The following ARRB1 variants were observed in gnomAD, a reference collection of about 807,000 sequenced individuals.
The protein encoded by ARRB1 is beta-arrestin-1.
Under a neutral mutation model 56.8 loss-of-function variants are expected in ARRB1, and 21 were observed. That is an observed-to-expected ratio of 0.37 (90% confidence interval 0.26 to 0.53). ARRB1 has a LOEUF of 0.53. ARRB1 is among the 20% of genes least tolerant of loss of function. ARRB1 has a pLI of 0.88. For missense variants in ARRB1, 424 were observed against 553.7 expected, an observed-to-expected ratio of 0.77 and a Z score of 2.35; for synonymous variants, 210 against 218.6, an observed-to-expected ratio of 0.96 and a Z score of 0.35.
intron 4 of ARRB1, 64 bp downstream of exon 4, chr11:75,284,171 G>T: frequency 6.6e-7 from 1 of 1,516,498 alleles, no homozygotes; most frequent in Non-Finnish European, 9.0e-7. Context: ...GAGTTCCTAT[G>T]CTAGAGGTCC....
rs1227087508 is a variant in ARRB1, at chr11:75,265,868, C to T, written c.*295G>A. 4.7e-6 allele frequency: 2 copies of T among 429,452 alleles called. No individual in the cohort carries two copies. The highest frequency in any genetic ancestry group is 7.3e-5 in the Admixed American group (2 of 27,584). 26.6% of individuals were successfully genotyped at this position (429,452 alleles called of 1,614,324 possible). Reference sequence around the variant, plus strand: ...ATCCTCCCCTGTCTGCTCCCCATCTCAAGTCCAATTCCAAGGCCAGAGCCC... The same window carrying T: ...ATCCTCCCCTGTCTGCTCCCCATCTTAAGTCCAATTCCAAGGCCAGAGCCC... On this transcript the variant is annotated 3_prime_UTR_variant, in exon 16 of 16. Coordinates refer to ENST00000420843, the MANE Select transcript of ARRB1 (RefSeq NM_004041.5).
At position 75,271,764 on chromosome 11, in the gene ARRB1, G is replaced by A. The variant is rs371736924; in HGVS notation, c.999-40C>T. 14 of 1,551,008 alleles carry A rather than the reference G, an allele frequency of 9.0e-6. No individual in the cohort carries two copies. In the African/African-American group the frequency reaches 1.1e-4, roughly 12 times the overall value. ...GGAGGCAGGAGAAGTGGTCAGGAGAGAGTTCAGAGAGGAAGAAAACAAAAA... is the reference window on the plus strand; with the variant it reads ...GGAGGCAGGAGAAGTGGTCAGGAGAAAGTTCAGAGAGGAAGAAAACAAAAA... On this transcript the variant is annotated intron_variant, in intron 12 of 15. Coordinates refer to ENST00000420843, the MANE Select transcript of ARRB1 (RefSeq NM_004041.5).
chr11:75,263,604 C>T lies in ARRB1; in HGVS notation c.*2559G>A, dbSNP rs1826342243. ...CCTACAACGTTTCCCTGACCATGGG[C>T]TTCCTGAGGACAGGGGCTGGGACTG... On this transcript the variant is annotated 3_prime_UTR_variant, in exon 16 of 16. Transcript: ENST00000420843. Among the ~76,000 whole-genome samples, 1 of 152,234 alleles carries T rather than the reference C, an allele frequency of 6.6e-6. No individual in the cohort carries two copies. Among genetic ancestry groups the T allele is most frequent in the African/African-American group, 2.4e-5 (1 of 41,464 alleles).
intron 14 of ARRB1, among the ~76,000 whole-genome samples, chr11:75,268,397 C>T (rs1192703915): frequency 4.7e-5 from 7 of 149,566 alleles, no homozygotes; most frequent in South Asian, 2.1e-4. Flanking sequence ...CTCAGCTACT[C>T]GGGAGGCTGA....
intron 4 of ARRB1, 100 bp from the exon 5 acceptor site, chr11:75,283,583 C>T: frequency 8.5e-7 from 1 of 1,172,986 alleles, no homozygotes; most frequent in Non-Finnish European, 1.2e-6. Flanking sequence ...ACTGGAGGCC[C>T]CAAGCCTGTC....
chr11:75,279,367 A>G (rs534912640), intron 7 of ARRB1, among the ~76,000 whole-genome samples: 5 of 152,206 alleles, frequency 3.3e-5, no homozygotes, highest in Non-Finnish European at 7.4e-5. Context: ...CAGGGAGGGG[A>G]GAAGGCCCAT....
rs1946319179 is a variant in ARRB1, at chr11:75,280,919, C to T, written c.482+156G>A. 46 of 843,890 alleles carry T rather than the reference C, an allele frequency of 5.5e-5. No homozygotes were observed. The South Asian group carries it at 6.1e-4, about 11-fold the overall frequency. The allele number at this position is 843,890 out of a possible 1,614,324, so 52.3% of individuals were successfully genotyped here. On this transcript the variant is annotated intron_variant, in intron 7 of 15. Coordinates refer to ENST00000420843, the MANE Select transcript of ARRB1 (RefSeq NM_004041.5). ...AAGCCACCTCCCCAAGGAAGCCCTC[C>T]GTGACCTCCCAGCTTCCAGAGTGCC...
At chr11:75,323,774 A>G (rs1947384618) in intron 1 of ARRB1, among the ~76,000 whole-genome samples, 1 of 152,202 alleles carries the variant, frequency 6.6e-6, no homozygotes, top group African/African-American at 2.4e-5. Context: ...TGAGCCACCC[A>G]GGGTCCAGGC....
At chr11:75,276,693 A>T (rs1946206996) in intron 10 of ARRB1, 146 bp downstream of exon 10, 1 of 661,854 alleles carries the variant, frequency 1.5e-6, no homozygotes, top group Admixed American at 2.8e-5. Flanking sequence ...GCTCTTCGGG[A>T]TCATCTACTC....
intron 14 of ARRB1, 134 bp from the exon 15 acceptor site, chr11:75,267,837 G>A: frequency 1.4e-6 from 1 of 737,028 alleles, no homozygotes; most frequent in South Asian, 1.6e-5. Flanking sequence ...GAATGGAGAT[G>A]GGGGAGGACT....
intron 1 of ARRB1, among the ~76,000 whole-genome samples, chr11:75,345,079 C>T (rs537592388): frequency 3.9e-4 from 60 of 152,310 alleles, no homozygotes; most frequent in Middle Eastern, 3.4e-3. Context: ...CAACTGTGGC[C>T]TCAGCCAGGT....
chr11:75,288,708 C>T (rs1260398435), intron 2 of ARRB1, among the ~76,000 whole-genome samples: 6 of 151,754 alleles, frequency 4.0e-5, no homozygotes, highest in Admixed American at 2.0e-4. Context: ...CTCTACCTCC[C>T]GGGTTAAAGT....
At chr11:75,280,623 G>C (rs536628958) in intron 7 of ARRB1, among the ~76,000 whole-genome samples, 3 of 152,198 alleles carry the variant, frequency 2.0e-5, no homozygotes, top group Non-Finnish European at 4.4e-5. Context: ...CCCTGGATGG[G>C]TTCACTATCT....
At chr11:75,292,429 C>T (rs529445721) in intron 1 of ARRB1, among the ~76,000 whole-genome samples, 2 of 152,328 alleles carry the variant, frequency 1.3e-5, no homozygotes, top group South Asian at 4.1e-4. Flanking sequence ...GCGTGAGCCA[C>T]CGCGTCCAGC....
At chr11:75,327,748 C>T (rs1947464938) in intron 1 of ARRB1, among the ~76,000 whole-genome samples, 1 of 152,002 alleles carries the variant, frequency 6.6e-6, no homozygotes, top group South Asian at 2.1e-4. Context: ...ACCACCACAC[C>T]ATACTAATTG....
chr11:75,278,751 G>C lies in ARRB1; in HGVS notation c.483-7C>G. 1 of 1,601,678 alleles carries C rather than the reference G, an allele frequency of 6.2e-7. No individual in the cohort carries two copies. On this transcript the variant is annotated splice_polypyrimidine_tract_variant and splice_region_variant and intron_variant, in intron 7 of 15. Coordinates refer to ENST00000420843, the MANE Select transcript of ARRB1 (RefSeq NM_004041.5). ...GACCAGACGCACAGAATTCCTAATG[G>C]AGATGGGCGGAGTGAAAGAGGACCA...
intron 1 of ARRB1, among the ~76,000 whole-genome samples, chr11:75,348,581 T>C (rs1247619687): frequency 6.6e-6 from 1 of 152,136 alleles, no homozygotes; most frequent in Non-Finnish European, 1.5e-5. Context: ...GCCCTGTGAT[T>C]AGTCCTGTCC....
chr11:75,350,591 C>A (rs1226922096), intron 1 of ARRB1, among the ~76,000 whole-genome samples: 1 of 152,192 alleles, frequency 6.6e-6, no homozygotes, highest in Non-Finnish European at 1.5e-5. Context: ...CTCCTTTTGT[C>A]CCAGTTTCCC....
At chr11:75,343,320 T>C (rs1006435288) in intron 1 of ARRB1, among the ~76,000 whole-genome samples, 16 of 152,002 alleles carry the variant, frequency 1.1e-4, no homozygotes, top group Admixed American at 1.0e-3. Context: ...GGACAGCTGT[T>C]GTATGTGGTC....
Sources: allele counts gnomAD v4.1 joint callset (sites outside exome capture counted in the v4.1 genomes callset), GRCh38; gene constraint gnomAD v4.1.1; transcripts MANE v1.5; gene names NCBI Gene and HGNC (gene_info 2026-07-23, HGNC 2026-07-21).